The following SLCO2A1 variants were observed in gnomAD, a reference collection of about 807,000 sequenced individuals.
SLCO2A1 encodes the protein solute carrier organic anion transporter family member 2A1.
In SLCO2A1, 60 loss-of-function variants were observed where a neutral mutation model predicts 71.7. The observed-to-expected ratio is 0.84, with a 90% CI of 0.68 to 1.04. SLCO2A1 has a LOEUF of 1.04. Ranked by LOEUF, SLCO2A1 falls within the 50% of genes least tolerant of loss-of-function variation. The pLI is 0.00. For synonymous variants in SLCO2A1, 308 were observed against 326.7 expected (o/e 0.94, Z 0.62); for missense variants, 745 against 813.4 (o/e 0.92, Z 1.02).
chr3:133,945,190 G>A lies in SLCO2A1; in HGVS notation c.1366C>T (p.His456Tyr), dbSNP rs772159889. 1.2e-6 allele frequency: 2 copies of A among 1,614,198 alleles called. No homozygotes were observed. Among genetic ancestry groups the A allele is most frequent in the South Asian group, 1.1e-5 (1 of 91,074 alleles). ...ATTCCATTGTCTCCACAGACCGGGT[G>A]GAAGATAGAATCTGGGCACGAGCAG... ...RDCSCPDSIF[H>Y]PVCGDNGIEY... Residue 456 changes from histidine (H) to tyrosine (Y), a missense_variant, in exon 10 of 14, where the codon CAC becomes TAC. Coordinates refer to ENST00000310926, the MANE Select transcript of SLCO2A1 (RefSeq NM_005630.3).
intron 9 of SLCO2A1, among the ~76,000 whole-genome samples, chr3:133,946,185 C>T (rs932730511): frequency 6.6e-6 from 1 of 151,804 alleles, no homozygotes; most frequent in Non-Finnish European, 1.5e-5. Flanking sequence ...CTCCCTTCCC[C>T]CAAACCCCTT....
rs1576422972 is a variant in SLCO2A1 at position 133,934,596 on chromosome 3, T to G, written c.*117A>C. The G allele has an allele frequency of 1.3e-6, 1 of 763,634 alleles. No homozygotes were observed. Among genetic ancestry groups the G allele is most frequent in the Non-Finnish European group, 2.2e-6 (1 of 460,436 alleles). The allele number at this position is 763,634 out of a possible 1,614,324, so 47.3% of individuals were successfully genotyped here. On this transcript the variant is annotated 3_prime_UTR_variant, in exon 14 of 14. Transcript: ENST00000310926. ...TAGGGAAGGCAAATGAGGACTGGGG[T>G]TTTCTTTCTTGTTTAAAAATACAAA...
intron 3 of SLCO2A1, among the ~76,000 whole-genome samples, chr3:133,960,637 T>C (rs1025443507): frequency 3.3e-5 from 5 of 152,240 alleles, no homozygotes; most frequent in African/African-American, 1.2e-4. Context: ...ATGATGATGG[T>C]TGCACAGCAT....
At chr3:133,961,009 G>C (rs1196447097) in intron 3 of SLCO2A1, among the ~76,000 whole-genome samples, 2 of 152,020 alleles carry the variant, frequency 1.3e-5, no homozygotes, top group Non-Finnish European at 2.9e-5. Flanking sequence ...TCAAACACAA[G>C]TCCTCCAGGG....
chr3:133,938,405 G>A (rs1165223150), intron 12 of SLCO2A1, 24 bp downstream of exon 12: 1 of 1,611,428 alleles, frequency 6.2e-7, no homozygotes, highest in Non-Finnish European at 8.5e-7. Context: ...CCACTTCTTG[G>A]GAAGAGGGGT....
chr3:134,011,472 G>A (rs558344243), intron 1 of SLCO2A1, among the ~76,000 whole-genome samples: 27 of 152,360 alleles, frequency 1.8e-4, no homozygotes, highest in East Asian at 9.6e-4. Context: ...GGAAGGCAGC[G>A]TCCTGATATC....
At chr3:134,000,152 T>C (rs1230818059) in intron 1 of SLCO2A1, among the ~76,000 whole-genome samples, 1 of 151,830 alleles carries the variant, frequency 6.6e-6, no homozygotes, top group African/African-American at 2.4e-5. Context: ...GAGGGTGACA[T>C]CAGGGAAGCA....
At position 134,022,043 on chromosome 3, in the gene SLCO2A1, C is replaced by T. The variant is rs532458273; in HGVS notation, c.96+7664G>A. On this transcript the variant is annotated intron_variant, in intron 1 of 13. Transcript: ENST00000310926. ...GAAACCTCATTGTGAGCACACCTCACCAGTTCAGAAGTATCCTAAAGGAAA... is the reference window on the plus strand; with the variant it reads ...GAAACCTCATTGTGAGCACACCTCATCAGTTCAGAAGTATCCTAAAGGAAA... 5.5e-5 allele frequency among the ~76,000 whole-genome samples: 8 copies of T among 146,606 alleles called. No individual in the cohort carries two copies. The South Asian group carries it at 1.7e-3, about 32-fold the overall frequency.
At chr3:133,940,396 C>T (rs1021728961) in intron 11 of SLCO2A1, among the ~76,000 whole-genome samples, 3 of 152,180 alleles carry the variant, frequency 2.0e-5, no homozygotes, top group Non-Finnish European at 2.9e-5. Flanking sequence ...TACCCCAACT[C>T]GACCTAGAAA....
At chr3:133,965,203 T>C (rs1934135738) in intron 3 of SLCO2A1, among the ~76,000 whole-genome samples, 1 of 152,156 alleles carries the variant, frequency 6.6e-6, no homozygotes, top group African/African-American at 2.4e-5. Flanking sequence ...ATTTCCTTTG[T>C]TAATGGGGCT....
At chr3:133,968,290 C>A (rs1321921950) in intron 3 of SLCO2A1, among the ~76,000 whole-genome samples, 1 of 151,816 alleles carries the variant, frequency 6.6e-6, no homozygotes, top group Admixed American at 6.6e-5. Context: ...TACACAATTA[C>A]CCACAAACAA....
chr3:133,995,565 G>A (rs1192226507), intron 1 of SLCO2A1, among the ~76,000 whole-genome samples: 1 of 152,188 alleles, frequency 6.6e-6, no homozygotes, highest in African/African-American at 2.4e-5. Context: ...TGGTAGTAAA[G>A]AATGTCCCTC....
At chr3:133,994,826 A>G (rs573720880) in intron 1 of SLCO2A1, among the ~76,000 whole-genome samples, 1 of 151,428 alleles carries the variant, frequency 6.6e-6, no homozygotes, top group South Asian at 2.1e-4. Context: ...GCTTCTTCCA[A>G]CTCCAAACCA....
intron 1 of SLCO2A1, 31 bp downstream of exon 1, chr3:134,029,676 C>G (rs1434072459): frequency 1.3e-6 from 2 of 1,535,648 alleles, no homozygotes. Context: ...GGCGCGGCTC[C>G]GGCCCGGAAG....
At chr3:133,984,275 C>T (rs1324298229) in intron 1 of SLCO2A1, among the ~76,000 whole-genome samples, 2 of 152,194 alleles carry the variant, frequency 1.3e-5, no homozygotes, top group Non-Finnish European at 2.9e-5. Flanking sequence ...GTGAAAGACT[C>T]TAGCCAGAGC....
At chr3:133,947,150 G>T in intron 9 of SLCO2A1, 106 bp downstream of exon 9, 7 of 932,228 alleles carry the variant, frequency 7.5e-6, no homozygotes, top group Non-Finnish European at 9.4e-6. Flanking sequence ...AAAAAAAAGT[G>T]TACAGCAAAG....
intron 3 of SLCO2A1, among the ~76,000 whole-genome samples, chr3:133,972,567 C>T (rs902327692): frequency 6.6e-6 from 1 of 152,064 alleles, no homozygotes; most frequent in African/African-American, 2.4e-5. Context: ...TTAAGCCATA[C>T]TCAGATACCT....
At chr3:133,949,732 T>C (rs1414866481) in intron 6 of SLCO2A1, among the ~76,000 whole-genome samples, 1 of 152,260 alleles carries the variant, frequency 6.6e-6, no homozygotes, top group Non-Finnish European at 1.5e-5. Flanking sequence ...TTTCCCATAC[T>C]GCTACTCTAA....
chr3:134,026,867 G>T (rs1935710182), intron 1 of SLCO2A1, among the ~76,000 whole-genome samples: 1 of 152,188 alleles, frequency 6.6e-6, no homozygotes, highest in South Asian at 2.1e-4. Flanking sequence ...TGACAAAACT[G>T]GCACATGTGC....
Sources: allele counts gnomAD v4.1 joint callset (sites outside exome capture counted in the v4.1 genomes callset), GRCh38; gene constraint gnomAD v4.1.1; transcripts MANE v1.5; gene names NCBI Gene and HGNC (gene_info 2026-07-23, HGNC 2026-07-21).